Variants in ROS1 observed in about 807,000 individuals in gnomAD.
ROS1 encodes the protein proto-oncogene tyrosine-protein kinase ROS.
ROS1 carries 263 observed loss-of-function variants against 273.5 expected under a neutral mutation model. That is an observed-to-expected ratio of 0.96 (90% CI 0.87 to 1.06). ROS1 has a LOEUF of 1.06. Ranked by LOEUF, ROS1 falls within the 50% of genes least tolerant of loss-of-function variation. ROS1 has a pLI of 0.00. For synonymous variants in ROS1, 1,008 were observed against 954.1 expected (o/e 1.06, Z -1.04); for missense variants, 2,833 against 2,751.1 (o/e 1.03, Z -0.67).
At chr6:117,412,182 C>G (rs950706133) in intron 4 of ROS1, among the ~76,000 whole-genome samples, 3 of 151,998 alleles carry the variant, frequency 2.0e-5, no homozygotes, top group Admixed American at 1.3e-4. Flanking sequence ...AGCTGGTAGA[C>G]CTTTGTATTT....
intron 39 of ROS1, among the ~76,000 whole-genome samples, chr6:117,311,334 T>C (rs932901940): frequency 4.6e-5 from 7 of 152,086 alleles, no homozygotes; most frequent in African/African-American, 7.2e-5. Flanking sequence ...ACAGCTATGT[T>C]TAGTAAGTAG....
intron 32 of ROS1, among the ~76,000 whole-genome samples, chr6:117,330,286 A>C (rs1205176926): frequency 1.3e-5 from 2 of 151,988 alleles, no homozygotes; most frequent in Non-Finnish European, 2.9e-5. Context: ...ATCTTCAGTA[A>C]CTGCAGCCAG....
chr6:117,385,834 T>C lies in ROS1; in HGVS notation c.2138A>G (p.Tyr713Cys). The C allele has an allele frequency of 6.2e-7, 1 of 1,614,178 alleles. No individual in the cohort carries two copies. Among genetic ancestry groups the C allele is most frequent in the Non-Finnish European group, 8.5e-7 (1 of 1,180,020 alleles). ...AACGTCGCCTTTCGTGTCACTGTAG[T>C]AGAGGCTGTTGTTATACCAATCCAT... ...SDMDWYNNSL[Y>C]YSDTKGDVFV... is the part of the protein sequence containing the mutation. Residue 713 changes from tyrosine to cysteine, a missense_variant, in exon 16 of 44, where the codon TAC becomes TGC. Physicochemically the swap from Tyr to Cys is radical, Grantham distance 194 (BLOSUM62 -2). Transcript: ENST00000368507.
Position 117,416,366 on chromosome 6 carries a change from T to C in ROS1, c.169-49A>G, listed in dbSNP as rs920781195. The C allele has an allele frequency of 3.2e-6, 4 of 1,236,376 alleles. No homozygotes were observed. In the African/African-American group the frequency reaches 5.9e-5, roughly 18 times the overall value. 76.6% of individuals were successfully genotyped at this position (1,236,376 alleles called of 1,614,324 possible). ...TGGTGAGTGATTGAAGAAATGTGAC[T>C]TTTTCTTGTCACCTGAAAGTACAAT... On this transcript the variant is annotated intron_variant, in intron 2 of 43. Coordinates refer to ENST00000368507, the MANE Select transcript of ROS1 (RefSeq NM_001378902.1).
chr6:117,359,718 TA>T, intron 24 of ROS1, 90 bp downstream of exon 24: 2 of 1,021,272 alleles, frequency 2.0e-6, no homozygotes, highest in Non-Finnish European at 3.0e-6. Context: ...TCTTAATGAC[TA>T]AACCGTTTTC....
chr6:117,350,661 T>C (rs185129665), intron 27 of ROS1, among the ~76,000 whole-genome samples: 1 of 151,598 alleles, frequency 6.6e-6, no homozygotes. Flanking sequence ...CCCACAGTTC[T>C]TGAATATTCT....
At chr6:117,326,502 CAG>C (rs1241418830) in intron 33 of ROS1, 88 bp from the exon 34 acceptor site, 6 of 787,984 alleles carry the variant, frequency 7.6e-6, no homozygotes, top group Non-Finnish European at 1.1e-5. Context: ...GACTGAACGC[CAG>C]AGAGTGTCCT....
chr6:117,337,425 G>T, intron 31 of ROS1, 85 bp from the exon 32 acceptor site: 3 of 1,007,284 alleles, frequency 3.0e-6, no homozygotes, highest in Admixed American at 2.9e-5. Context: ...TATAGCAAGT[G>T]GTTAAAATTT....
intron 27 of ROS1, among the ~76,000 whole-genome samples, chr6:117,348,669 T>G (rs1269828669): frequency 6.6e-6 from 1 of 151,926 alleles, no homozygotes. Context: ...CTTCTTTTTC[T>G]AGTTTCCTAA....
intron 28 of ROS1, among the ~76,000 whole-genome samples, chr6:117,343,085 TG>T (rs1344305975): frequency 3.4e-5 from 5 of 146,752 alleles, no homozygotes; most frequent in Admixed American, 1.4e-4. Context: ...CAGAGTGTTT[TG>T]TTTTTTTTTT....
intron 31 of ROS1, among the ~76,000 whole-genome samples, chr6:117,338,293 A>C (rs960436155): frequency 2.6e-5 from 4 of 152,070 alleles, no homozygotes; most frequent in Non-Finnish European, 4.4e-5. Flanking sequence ...TCTATTCAGT[A>C]AGGAATGATT....
At chr6:117,421,302 G>T (rs1432431597) in intron 1 of ROS1, among the ~76,000 whole-genome samples, 2 of 150,346 alleles carry the variant, frequency 1.3e-5, no homozygotes, top group East Asian at 1.9e-4. Context: ...AGTGGTTTTT[G>T]GTTACATGGA....
rs1374817776 is a variant in ROS1, at chr6:117,414,551, T to C, written c.229-6A>G. On this transcript the variant is annotated splice_region_variant and splice_polypyrimidine_tract_variant and intron_variant, in intron 3 of 43. Coordinates refer to ENST00000368507, the MANE Select transcript of ROS1 (RefSeq NM_001378902.1). Reference sequence around the variant, plus strand: ...ACGGTGGCATAAGTATCATTCTGCATAGAAAAAAAAAAAGACTACTTAAAA... The same window carrying C: ...ACGGTGGCATAAGTATCATTCTGCACAGAAAAAAAAAAAGACTACTTAAAA... 2 of 713,772 alleles carry C rather than the reference T, an allele frequency of 2.8e-6. No homozygotes were observed. The highest frequency in any genetic ancestry group is 2.5e-6 in the Non-Finnish European group (1 of 397,766). The allele number at this position is 713,772 out of a possible 1,614,324, so 44.2% of individuals were successfully genotyped here.
intron 15 of ROS1, among the ~76,000 whole-genome samples, chr6:117,386,110 T>C (rs894256344): frequency 6.6e-6 from 1 of 152,224 alleles, no homozygotes; most frequent in African/African-American, 2.4e-5. Flanking sequence ...AGTTTACAGA[T>C]CTCATTTAGT....
Position 117,326,087 on chromosome 6 carries a change from AAGATTAT to A in ROS1, c.5539+130_5539+136del, listed in dbSNP as rs1292522377. On this transcript the variant is annotated intron_variant, in intron 34 of 43. Transcript: ENST00000368507. ...GGAATAGTTTAATAGTTTGGATAAT[AAGATTAT>A]ATATATATATATATATATATATATA... The A allele has an allele frequency of 4.7e-4, 81 of 173,264 alleles. 1 individual carries two copies. Among genetic ancestry groups the A allele is most frequent in the Non-Finnish European group, 6.5e-4 (70 of 107,014 alleles). The allele number at this position is 173,264 out of a possible 1,614,324, so 10.7% of individuals were successfully genotyped here.
chr6:117,416,160 A>T, intron 3 of ROS1, 98 bp downstream of exon 3: 1 of 756,050 alleles, frequency 1.3e-6, no homozygotes, highest in Non-Finnish European at 2.4e-6. Flanking sequence ...CAAGCAAACT[A>T]GTTGAAAGCC....
At chr6:117,377,516 A>G (rs1439683444) in intron 18 of ROS1, among the ~76,000 whole-genome samples, 3 of 152,244 alleles carry the variant, frequency 2.0e-5, no homozygotes, top group African/African-American at 4.8e-5. Context: ...AAGGAAAAAA[A>G]GAAAACTTTA....
rs565952762 is a variant in ROS1, at chr6:117,289,638, T to C, written c.6716-836A>G. Among the ~76,000 whole-genome samples the C allele has an allele frequency of 1.1e-4, 17 of 152,334 alleles. No individual in the cohort carries two copies. The South Asian group carries it at 3.5e-3, about 32-fold the overall frequency. ...CCCTCCGAACTGCTGAAGAACAAGA[T>C]AGCCAAGCTACAGGTTCACAGGCTC... On this transcript the variant is annotated intron_variant, in intron 43 of 43. Transcript: ENST00000368507.
At chr6:117,297,587 G>C (rs1185948929) in intron 43 of ROS1, among the ~76,000 whole-genome samples, 1 of 152,056 alleles carries the variant, frequency 6.6e-6, no homozygotes, top group East Asian at 1.9e-4. Flanking sequence ...ATCAAAAGAA[G>C]ACATACAACT....
Sources: allele counts gnomAD v4.1 joint callset (sites outside exome capture counted in the v4.1 genomes callset), GRCh38; gene constraint gnomAD v4.1.1; transcripts MANE v1.5; gene names NCBI Gene and HGNC (gene_info 2026-07-23, HGNC 2026-07-21).